Variants in LRRC4C observed in about 807,000 individuals in gnomAD.
LRRC4C encodes the protein leucine-rich repeat-containing protein 4C.
A neutral mutation model predicts 33.6 loss-of-function variants in LRRC4C; 5 were observed. The ratio of observed to expected loss-of-function variants is 0.15; its 90% CI spans 0.08 to 0.31. The LOEUF (loss-of-function observed/expected upper bound fraction) is 0.31. LRRC4C is among the 10% of genes least tolerant of loss of function. LRRC4C has a pLI of 1.00. For synonymous variants in LRRC4C, 329 were observed against 302.0 expected (o/e 1.09, Z -0.93); for missense variants, 560 against 796.7 (o/e 0.70, Z 3.58).
intron 6 of LRRC4C, among the ~76,000 whole-genome samples, chr11:40,130,043 T>C (rs1273358247): frequency 2.0e-5 from 3 of 152,200 alleles, no homozygotes; most frequent in Admixed American, 6.5e-5. Flanking sequence ...TTGATATTAA[T>C]TATTTAAGAA....
intron 1 of LRRC4C, among the ~76,000 whole-genome samples, chr11:41,371,944 G>A (rs1952762961): frequency 6.6e-6 from 1 of 152,176 alleles, no homozygotes; most frequent in Non-Finnish European, 1.5e-5. Context: ...GACCATCCTG[G>A]CTAACATGGT....
chr11:40,697,509 A>G (rs918621551), intron 2 of LRRC4C, among the ~76,000 whole-genome samples: 4 of 152,208 alleles, frequency 2.6e-5, no homozygotes, highest in African/African-American at 4.8e-5. Context: ...CAAGACAGGA[A>G]AAATCAGAGG....
At chr11:41,187,753 T>G (rs921598386) in intron 1 of LRRC4C, among the ~76,000 whole-genome samples, 2 of 152,228 alleles carry the variant, frequency 1.3e-5, no homozygotes, top group Non-Finnish European at 2.9e-5. Context: ...TAGGGCTTCA[T>G]GAGCTGTGAG....
At chr11:40,985,832 G>A (rs1852949267) in intron 1 of LRRC4C, among the ~76,000 whole-genome samples, 1 of 152,104 alleles carries the variant, frequency 6.6e-6, no homozygotes, top group African/African-American at 2.4e-5. Flanking sequence ...ATGGATTGTA[G>A]AATAGATAGT....
chr11:40,865,474 A>G (rs1954314268), intron 2 of LRRC4C, among the ~76,000 whole-genome samples: 2 of 151,314 alleles, frequency 1.3e-5, no homozygotes, highest in Admixed American at 1.3e-4. Context: ...GAGGCAAGGC[A>G]TATGCTCATT....
intron 2 of LRRC4C, among the ~76,000 whole-genome samples, chr11:40,921,947 T>G (rs1957200692): frequency 6.6e-6 from 1 of 152,232 alleles, no homozygotes; most frequent in Non-Finnish European, 1.5e-5. Context: ...TAATATTCCT[T>G]ACAAACAAAT....
At position 41,322,397 on chromosome 11, in the gene LRRC4C, C is replaced by T. The variant is rs181080080; in HGVS notation, c.-496+137034G>A. On this transcript the variant is annotated intron_variant, in intron 1 of 6. Coordinates refer to ENST00000528697, the MANE Select transcript of LRRC4C (RefSeq NM_001258419.2). The stretch of plus-strand genomic sequence containing the variant: ...TCTATCTTTATTTTTTTTTTCTCAA[C>T]CCAGTTGTCCTTTAAGATTTTAAAT... Among the ~76,000 whole-genome samples the T allele has an allele frequency of 9.9e-5, 15 of 151,612 alleles. No individual in the cohort carries two copies. In the East Asian group the frequency reaches 1.9e-3, roughly 20 times the overall value.
intron 3 of LRRC4C, among the ~76,000 whole-genome samples, chr11:40,398,744 T>C (rs1399793643): frequency 6.6e-6 from 1 of 151,958 alleles, no homozygotes; most frequent in African/African-American, 2.4e-5. Flanking sequence ...GGGTCCTGGG[T>C]TCTAGACATC....
intron 5 of LRRC4C, among the ~76,000 whole-genome samples, chr11:40,201,386 GAGAAA>G (rs2135729915): frequency 6.6e-6 from 1 of 151,584 alleles, no homozygotes; most frequent in African/African-American, 2.4e-5. Flanking sequence ...CCCTTTTTTT[GAGAAA>G]AGAAAAGGAA....
At chr11:40,980,241 T>A (rs932893558) in intron 1 of LRRC4C, among the ~76,000 whole-genome samples, 6 of 152,194 alleles carry the variant, frequency 3.9e-5, no homozygotes, top group African/African-American at 1.4e-4. Flanking sequence ...AAGGGGACTT[T>A]TAATGGAACC....
At chr11:41,015,959 C>T (rs1855557479) in intron 1 of LRRC4C, among the ~76,000 whole-genome samples, 1 of 152,100 alleles carries the variant, frequency 6.6e-6, no homozygotes, top group South Asian at 2.1e-4. Context: ...CACTGCACTC[C>T]AGCCCGGGCG....
In LRRC4C at chr11:40,860,014, A is replaced by T. The variant is rs377253177; in HGVS notation, c.-407+73621T>A. The stretch of plus-strand genomic sequence containing the variant: ...GGCAGGAGAATGGCGTGAACCCGGG[A>T]GGCGGAGGTTGCAGTGAGCCGAGAT... On this transcript the variant is annotated intron_variant, in intron 2 of 6. Coordinates refer to ENST00000528697, the MANE Select transcript of LRRC4C (RefSeq NM_001258419.2). Among the ~76,000 whole-genome samples, 26 of 152,138 alleles carry T rather than the reference A, an allele frequency of 1.7e-4. No homozygotes were observed. In the South Asian group the frequency reaches 4.8e-3, roughly 28 times the overall value.
intron 2 of LRRC4C, among the ~76,000 whole-genome samples, chr11:40,778,974 T>C (rs564227777): frequency 6.6e-6 from 1 of 152,290 alleles, no homozygotes; most frequent in Non-Finnish European, 1.5e-5. Context: ...GATGACATGA[T>C]ATGATCTTGA....
At chr11:40,836,368 G>A (rs1332927438) in intron 2 of LRRC4C, among the ~76,000 whole-genome samples, 1 of 152,174 alleles carries the variant, frequency 6.6e-6, no homozygotes, top group Non-Finnish European at 1.5e-5. Context: ...TTCTGTTGTA[G>A]CAAGTGAGGT....
intron 2 of LRRC4C, among the ~76,000 whole-genome samples, chr11:40,913,719 G>A (rs894186036): frequency 1.3e-5 from 2 of 152,140 alleles, no homozygotes; most frequent in Admixed American, 6.5e-5. Flanking sequence ...GAAGGAAATA[G>A]AGACACAAAA....
intron 2 of LRRC4C, among the ~76,000 whole-genome samples, chr11:40,733,719 C>T (rs115887958): frequency 0.013 from 2,039 of 152,240 alleles, 41 homozygotes; most frequent in African/African-American, 0.047. Flanking sequence ...GTAGTAGCGA[C>T]CTTTTAAAAT....
intron 1 of LRRC4C, among the ~76,000 whole-genome samples, chr11:40,961,141 C>T (rs569830715): frequency 2.0e-4 from 31 of 151,768 alleles, no homozygotes; most frequent in African/African-American, 7.2e-4. Context: ...AAAGGTTCAG[C>T]TGTATAAGTT....
intron 1 of LRRC4C, among the ~76,000 whole-genome samples, chr11:41,275,814 CAG>C (rs1444705298): frequency 6.6e-6 from 1 of 152,084 alleles, no homozygotes; most frequent in Non-Finnish European, 1.5e-5. Context: ...TTGATAGAAA[CAG>C]ATGTTCATTA....
chr11:40,387,848 T>C (rs1482557100), intron 3 of LRRC4C, among the ~76,000 whole-genome samples: 1 of 152,198 alleles, frequency 6.6e-6, no homozygotes, highest in Non-Finnish European at 1.5e-5. Context: ...GAAGTTGGAC[T>C]GACTTGCTGT....
Sources: gnomAD v4.1 joint callset for allele counts (sites outside exome capture counted in the v4.1 genomes callset) on GRCh38, gnomAD v4.1.1 for gene constraint, MANE v1.5 for transcripts, NCBI Gene and HGNC (gene_info 2026-07-23, HGNC 2026-07-21) for gene names.